ZNF736: variants seen among roughly 807,000 people sequenced by gnomAD.
The protein encoded by ZNF736 is zinc finger protein 736.
ZNF736 carries 6 observed loss-of-function variants against 11.7 expected under a neutral mutation model. The ratio of observed to expected loss-of-function variants is 0.51; its 90% CI spans 0.28 to 1.01. The LOEUF (loss-of-function observed/expected upper bound fraction) is 1.01, where lower values mean the gene tolerates loss of function less well. Ranked by LOEUF, ZNF736 falls within the 50% of genes least tolerant of loss-of-function variation. The pLI is 0.09. For missense variants in ZNF736, 444 were observed against 496.0 expected, an observed-to-expected ratio of 0.90 and a Z score of 1.00; for synonymous variants, 139 against 164.7, an observed-to-expected ratio of 0.84 and a Z score of 1.19.
chr7:64,331,933 T>C (rs892934174), intron 1 of ZNF736, among the ~76,000 whole-genome samples: 1 of 152,016 alleles, frequency 6.6e-6, no homozygotes, highest in Non-Finnish European at 1.5e-5. Context: ...TGAACCTCTC[T>C]TGTGATAAAG....
At chr7:64,333,177 C>T (rs117146618) in intron 1 of ZNF736, among the ~76,000 whole-genome samples, 5,290 of 152,314 alleles carry the variant, frequency 0.035, 189 homozygotes, top group East Asian at 0.17. Flanking sequence ...GCTGCTCCCT[C>T]CATTCAGGGT....
In ZNF736 at chr7:64,313,993, C is replaced by G. The variant is rs557150431; in HGVS notation, c.-158C>G. On this transcript the variant is annotated 5_prime_UTR_variant, in exon 1 of 4. Coordinates refer to ENST00000423484, the MANE Select transcript of ZNF736 (RefSeq NM_001170905.3). Reference sequence around the variant, plus strand: ...CTTCAATATGGCGGGGCCTTTGTCTCCTAGCTTCCGGGCTCTGATCCTAGT... The same window carrying G: ...CTTCAATATGGCGGGGCCTTTGTCTGCTAGCTTCCGGGCTCTGATCCTAGT... 3 of 1,002,740 alleles carry G rather than the reference C, an allele frequency of 3.0e-6. No individual in the cohort carries two copies. The highest frequency in any genetic ancestry group is 1.6e-5 in the African/African-American group (1 of 62,560). The allele number at this position is 1,002,740 out of a possible 1,614,324, so 62.1% of individuals were successfully genotyped here.
intron 1 of ZNF736, among the ~76,000 whole-genome samples, chr7:64,334,181 A>G (rs1159137470): frequency 6.6e-6 from 1 of 152,166 alleles, no homozygotes; most frequent in Admixed American, 6.5e-5. Flanking sequence ...AAAACCTAAA[A>G]CCATGAAAAC....
intron 1 of ZNF736, among the ~76,000 whole-genome samples, chr7:64,314,365 C>G (rs939305572): frequency 2.0e-5 from 3 of 152,084 alleles, no homozygotes; most frequent in African/African-American, 7.2e-5. Flanking sequence ...TGTCCCTAAA[C>G]TCGAATTTCT....
intron 3 of ZNF736, among the ~76,000 whole-genome samples, chr7:64,343,017 GTAT>G (rs1789359305): frequency 6.6e-6 from 1 of 152,064 alleles, no homozygotes; most frequent in Non-Finnish European, 1.5e-5. Flanking sequence ...AGTATGTCTA[GTAT>G]TATTTAAGTG....
chr7:64,346,785 CT>C (rs1437680005), intron 3 of ZNF736, among the ~76,000 whole-genome samples: 1 of 151,270 alleles, frequency 6.6e-6, no homozygotes, highest in African/African-American at 2.4e-5. Flanking sequence ...ATTTTTATTT[CT>C]TTCTGTGCTT....
Position 64,337,764 on chromosome 7 carries a change from T to TTG in ZNF736, c.226+783_226+784insGT, listed in dbSNP as rs1316361785. 1.2e-3 allele frequency among the ~76,000 whole-genome samples: 169 copies of TTG among 146,414 alleles called. 3 individuals carry two copies. Among genetic ancestry groups the TTG allele is most frequent in the Non-Finnish European group, 2.0e-3 (130 of 66,538 alleles). The stretch of plus-strand genomic sequence containing the variant: ...TTGTTTTGTTTTTTTTGGTTTTTTT[T>TTG]TTTTTTTGAGACAGAGTTTTGCTCT... On this transcript the variant is annotated intron_variant, in intron 3 of 3. Transcript: ENST00000423484.
At chr7:64,324,327 A>T (rs762237278) in intron 1 of ZNF736, among the ~76,000 whole-genome samples, 15 of 152,124 alleles carry the variant, frequency 9.9e-5, no homozygotes, top group Non-Finnish European at 2.1e-4. Flanking sequence ...TCACTCAGCA[A>T]GTGTCAGGCA....
chr7:64,315,719 C>T (rs1357417366), intron 1 of ZNF736, among the ~76,000 whole-genome samples: 1 of 152,172 alleles, frequency 6.6e-6, no homozygotes, highest in Non-Finnish European at 1.5e-5. Context: ...AGCAGGGTCT[C>T]AAATCTAAAA....
chr7:64,315,189 GCC>G (rs202181030), intron 1 of ZNF736, among the ~76,000 whole-genome samples: 2,564 of 152,276 alleles, frequency 0.017, 43 homozygotes, highest in Admixed American at 0.052. Flanking sequence ...TTTCTATGCA[GCC>G]TGTGGAACCA....
At chr7:64,334,583 A>G (rs780924682) in intron 1 of ZNF736, among the ~76,000 whole-genome samples, 13 of 152,352 alleles carry the variant, frequency 8.5e-5, no homozygotes, top group Non-Finnish European at 1.6e-4. Context: ...TCAAAACCAC[A>G]ATGAGATACT....
chr7:64,348,356 G>T lies in ZNF736; in HGVS notation c.493G>T (p.Asp165Tyr). 1 of 1,551,390 alleles carries T rather than the reference G, an allele frequency of 6.4e-7. No individual in the cohort carries two copies. The highest frequency in any genetic ancestry group is 2.4e-5 in the East Asian group (1 of 40,906). Residue 165 changes from aspartate (D) to tyrosine (Y), a missense_variant, in exon 4 of 4, where the codon GAC (aspartate) becomes TAC (tyrosine). Coordinates refer to ENST00000423484, the MANE Select transcript of ZNF736 (RefSeq NM_001170905.3). ...QLCSIFTEHK[D>Y]IFSREKCHKC... The stretch of plus-strand genomic sequence containing the variant: ...GTGCTCAATCTTCACTGAACATAAA[G>T]ACATTTTTAGCAGAGAGAAATGCCA...
chr7:64,346,836 G>GT (rs1157070475), intron 3 of ZNF736, among the ~76,000 whole-genome samples: 4 of 150,396 alleles, frequency 2.7e-5, no homozygotes, highest in African/African-American at 4.9e-5. Context: ...ATTTCATTTT[G>GT]TTTTTTTAAT....
intron 1 of ZNF736, among the ~76,000 whole-genome samples, chr7:64,324,764 C>T (rs1267450486): frequency 2.0e-5 from 3 of 152,234 alleles, no homozygotes; most frequent in Non-Finnish European, 1.5e-5. Flanking sequence ...CTAACCCTTT[C>T]TGAGCCACTA....
At position 64,356,345 on chromosome 7, in the gene ZNF736, T is replaced by C. The variant is rs1789553288; in HGVS notation, c.*7198T>C. 6.6e-6 allele frequency: 1 copy of C among 152,282 alleles called. No homozygotes were observed. Among genetic ancestry groups the C allele is most frequent in the South Asian group, 2.1e-4 (1 of 4,832 alleles). 9.4% of individuals were successfully genotyped at this position (152,282 alleles called of 1,614,324 possible). On this transcript the variant is annotated 3_prime_UTR_variant, in exon 4 of 4. Coordinates refer to ENST00000423484, the MANE Select transcript of ZNF736 (RefSeq NM_001170905.3). ...AATTTTTGGCAAGTATAAAAGCACATTCAGAATGTCACTTTCATAGATACT... is the reference window on the plus strand; with the variant it reads ...AATTTTTGGCAAGTATAAAAGCACACTCAGAATGTCACTTTCATAGATACT...
At position 64,348,585 on chromosome 7, in the gene ZNF736, C is replaced by T. The variant is rs756739574; in HGVS notation, c.722C>T (p.Ser241Phe). ...GGATGTGGCAAAACTTTTACCTGCT[C>T]CTCAACCCTTGTTAAACACAAGAGA... ...CEGCGKTFTCSSTLVKHKRNH... is the reference protein window; with the variant it reads ...CEGCGKTFTCFSTLVKHKRNH... The change falls in exon 4 of 4, where the codon TCC becomes TTC. Residue 241 changes from serine (S) to phenylalanine (F), a missense_variant. Coordinates refer to ENST00000423484, the MANE Select transcript of ZNF736 (RefSeq NM_001170905.3). The T allele has an allele frequency of 1.9e-6, 3 of 1,592,284 alleles. No individual in the cohort carries two copies. In the South Asian group the frequency reaches 3.4e-5, roughly 18 times the overall value.
chr7:64,337,755 G>GTTTTTTTT lies in ZNF736; in HGVS notation c.226+773_226+774insTTTTTTTT, dbSNP rs147991832. Among the ~76,000 whole-genome samples, 3 of 86,256 alleles carry GTTTTTTTT rather than the reference G, an allele frequency of 3.5e-5. 1 individual carries two copies. The highest frequency in any genetic ancestry group is 6.1e-5 in the Non-Finnish European group (3 of 49,026). 56.6% of individuals were successfully genotyped at this position (86,256 alleles called of 152,430 possible). A position where few individuals can be genotyped will look rare whatever the true frequency, so the allele number is the denominator to read the frequency against. Reference sequence around the variant, plus strand: ...TGTTTTGTTTTGTTTTGTTTTTTTTGGTTTTTTTTTTTTTTTGAGACAGAG... The same window carrying GTTTTTTTT: ...TGTTTTGTTTTGTTTTGTTTTTTTTGTTTTTTTTGTTTTTTTTTTTTTTTGAGACAGAG... On this transcript the variant is annotated intron_variant, in intron 3 of 3. Transcript: ENST00000423484.
rs1789512938 is a variant in ZNF736 at position 64,353,140 on chromosome 7, G to A, written c.*3993G>A. 1 of 152,212 alleles carries A rather than the reference G, an allele frequency of 6.6e-6. No homozygotes were observed. Among genetic ancestry groups the A allele is most frequent in the Non-Finnish European group, 1.5e-5 (1 of 68,070 alleles). 9.4% of individuals were successfully genotyped at this position (152,212 alleles called of 1,614,324 possible). On this transcript the variant is annotated 3_prime_UTR_variant, in exon 4 of 4. Coordinates refer to ENST00000423484, the MANE Select transcript of ZNF736 (RefSeq NM_001170905.3). ...TTAAACTGAAGGCCTTGGTGAAGTG[G>A]GTTCATGAGGGTATCTCCTCACCTG... is the stretch of plus-strand genomic sequence containing the variant.
intron 1 of ZNF736, among the ~76,000 whole-genome samples, chr7:64,319,481 T>C (rs1331212338): frequency 7.9e-6 from 1 of 127,162 alleles, no homozygotes; most frequent in East Asian, 2.3e-4. Flanking sequence ...ATAGAAAACA[T>C]TTCTTCCCTT....
Sources: allele counts gnomAD v4.1 joint callset (sites outside exome capture counted in the v4.1 genomes callset), GRCh38; gene constraint gnomAD v4.1.1; transcripts MANE v1.5; gene names NCBI Gene and HGNC (gene_info 2026-07-23, HGNC 2026-07-21).